Variants in SLC29A3 observed in about 807,000 individuals in gnomAD.
SLC29A3 encodes equilibrative nucleoside transporter 3.
Under a neutral mutation model 25.4 loss-of-function variants are expected in SLC29A3, and 18 were observed. That is an observed-to-expected ratio of 0.71 (90% CI 0.49 to 1.05). The LOEUF is 1.05. Ranked by LOEUF, SLC29A3 falls within the 50% of genes least tolerant of loss-of-function variation. The pLI is 0.00. For synonymous variants in SLC29A3, 258 were observed against 267.1 expected (o/e 0.97, Z 0.33); for missense variants, 586 against 609.0 (o/e 0.96, Z 0.40).
intron 2 of SLC29A3, among the ~76,000 whole-genome samples, chr10:71,323,553 G>T (rs1845901246): frequency 6.6e-6 from 1 of 152,226 alleles, no homozygotes; most frequent in Admixed American, 6.5e-5. Context: ...ACACTTCCTG[G>T]AAGTAACATA....
At chr10:71,329,734 A>G (rs1846076461) in intron 2 of SLC29A3, among the ~76,000 whole-genome samples, 1 of 152,204 alleles carries the variant, frequency 6.6e-6, no homozygotes, top group South Asian at 2.1e-4. Context: ...GTCTCAAAAC[A>G]AAAAGGACTA....
At chr10:71,376,240 G>A (rs550370810) in intron 4 of SLC29A3, among the ~76,000 whole-genome samples, 2 of 152,324 alleles carry the variant, frequency 1.3e-5, no homozygotes, top group African/African-American at 4.8e-5. Flanking sequence ...AAACTACTAT[G>A]ATGATTTGCC....
chr10:71,319,412 G>T, intron 1 of SLC29A3, 102 bp downstream of exon 1: 1 of 530,908 alleles, frequency 1.9e-6, no homozygotes, highest in South Asian at 2.4e-5. Flanking sequence ...GCTGCGGGCT[G>T]CCAGGGGAGC....
chr10:71,353,237 A>G (rs961857689), intron 4 of SLC29A3, among the ~76,000 whole-genome samples: 1 of 152,180 alleles, frequency 6.6e-6, no homozygotes, highest in Admixed American at 6.5e-5. Context: ...TATCCTGGGA[A>G]ACACTTGGGC....
At chr10:71,339,862 C>T (rs930440022) in intron 2 of SLC29A3, among the ~76,000 whole-genome samples, 1 of 152,122 alleles carries the variant, frequency 6.6e-6, no homozygotes, top group African/African-American at 2.4e-5. Flanking sequence ...CCTTCCATGC[C>T]CCCCAACACT....
chr10:71,337,554 C>T (rs114200003), intron 2 of SLC29A3, among the ~76,000 whole-genome samples: 1,962 of 152,356 alleles, frequency 0.013, 41 homozygotes, highest in African/African-American at 0.043. Context: ...GCTGCCTCTG[C>T]TGCTGCTTCC....
downstream of SLC29A3, chr10:71,366,478 A>C (rs1847171596): frequency 6.6e-6 from 1 of 152,244 alleles, no homozygotes; most frequent in Non-Finnish European, 1.5e-5. Flanking sequence ...CACCATGCCC[A>C]ACCATTTTTC....
intron 4 of SLC29A3, among the ~76,000 whole-genome samples, chr10:71,352,097 T>C (rs866245926): frequency 4.9e-4 from 75 of 152,160 alleles, no homozygotes; most frequent in African/African-American, 1.8e-3. Flanking sequence ...TAGTGGCTGC[T>C]GGCTGGAAGC....
chr10:71,378,252 A>G (rs1429686724), intron 4 of SLC29A3, among the ~76,000 whole-genome samples: 1 of 152,256 alleles, frequency 6.6e-6, no homozygotes, highest in Non-Finnish European at 1.5e-5. Flanking sequence ...TAGGGACTCA[A>G]CGAAGCCGTC....
chr10:71,329,457 C>CGAAAAAAAAA (rs3059614), intron 2 of SLC29A3, among the ~76,000 whole-genome samples: 1 of 120,482 alleles, frequency 8.3e-6, no homozygotes. Context: ...GACTCTGTCT[C>CGAAAAAAAAA]AAAAAAAAAA....
chr10:71,319,613 C>A (rs919782734), intron 1 of SLC29A3: 8 of 352,298 alleles, frequency 2.3e-5, no homozygotes, highest in East Asian at 4.2e-5. Context: ...AGTATCCAGA[C>A]GGTGGCTGAT....
intron 3 of SLC29A3, among the ~76,000 whole-genome samples, chr10:71,373,681 G>A (rs959160159): frequency 1.1e-4 from 17 of 152,212 alleles, no homozygotes; most frequent in African/African-American, 4.1e-4. Context: ...GGAGTCTGTA[G>A]GACCAAAGGG....
At chr10:71,351,456 G>C (rs1228770591) in intron 3 of SLC29A3, 106 bp from the exon 4 acceptor site, 1 of 946,446 alleles carries the variant, frequency 1.1e-6, no homozygotes, top group African/African-American at 1.6e-5. Flanking sequence ...AGAGTGAACA[G>C]TCCTAACTGC....
At chr10:71,368,742 C>T (rs1285447454) in intron 3 of SLC29A3, among the ~76,000 whole-genome samples, 1 of 152,198 alleles carries the variant, frequency 6.6e-6, no homozygotes, top group Admixed American at 6.5e-5. Flanking sequence ...AACGGGGTTC[C>T]AAGAGCCTGG....
At chr10:71,321,283 A>C (rs990909579) in intron 1 of SLC29A3, among the ~76,000 whole-genome samples, 1 of 152,190 alleles carries the variant, frequency 6.6e-6, no homozygotes, top group African/African-American at 2.4e-5. Context: ...ATAGTGGATA[A>C]GGTTCTGCAC....
downstream of SLC29A3, chr10:71,366,194 G>A (rs1185906352): frequency 6.6e-6 from 1 of 152,144 alleles, no homozygotes; most frequent in African/African-American, 2.4e-5. Flanking sequence ...GTCTCACCAT[G>A]TTGCCTAGGC....
rs780671 is a variant in SLC29A3, at chr10:71,353,474, T to C, written c.610+1686T>C. Among the ~76,000 whole-genome samples, 299 of 152,306 alleles carry C rather than the reference T, an allele frequency of 2.0e-3. 6 individuals carry two copies. The highest frequency in any genetic ancestry group is 0.017 in the Admixed American group (255 of 15,302). The stretch of plus-strand genomic sequence containing the variant: ...CCAGTGACCAAACTCACCATTTACA[T>C]TGGCAAGCGGTCCTCGGGTTAATCT... On this transcript the variant is annotated intron_variant, in intron 4 of 5. Coordinates refer to ENST00000373189, the MANE Select transcript of SLC29A3 (RefSeq NM_018344.6).
chr10:71,367,412 C>G (rs1453168423), downstream of SLC29A3, among the ~76,000 whole-genome samples: 2 of 152,150 alleles, frequency 1.3e-5, no homozygotes, highest in African/African-American at 4.8e-5. Context: ...GTCTCATTTC[C>G]TCATCTGTAA....
chr10:71,367,200 G>A (rs1025153452), downstream of SLC29A3, among the ~76,000 whole-genome samples: 12 of 63,390 alleles, frequency 1.9e-4, no homozygotes, highest in African/African-American at 3.8e-4. Flanking sequence ...GGCCAGCCGT[G>A]GTGATGGTAG....
Sources: gnomAD v4.1 joint callset for allele counts (sites outside exome capture counted in the v4.1 genomes callset) on GRCh38, gnomAD v4.1.1 for gene constraint, MANE v1.5 for transcripts, NCBI Gene and HGNC (gene_info 2026-07-23, HGNC 2026-07-21) for gene names.